Variants in ACADM observed in about 807,000 individuals in gnomAD.
ACADM encodes the protein acyl-CoA dehydrogenase medium chain.
In ACADM, 49 loss-of-function variants were observed where a neutral mutation model predicts 58.9. That is an observed-to-expected ratio of 0.83 (90% CI 0.66 to 1.06). The LOEUF (loss-of-function observed/expected upper bound fraction) is 1.06. Among genes scored for constraint, ACADM ranks in the 50% least tolerant of loss-of-function variants. The probability of loss-of-function intolerance (pLI) is 0.00; values close to 1 mark genes in which losing one functional copy is unlikely to be tolerated. For synonymous variants in ACADM, 160 were observed against 157.7 expected, an observed-to-expected ratio of 1.01 and a Z score of -0.11; for missense variants, 496 against 507.0, an observed-to-expected ratio of 0.98 and a Z score of 0.21.
chr1:75,732,986 CTCAG>C, intron 4 of ACADM, 64 bp downstream of exon 4: 2 of 1,613,216 alleles, frequency 1.2e-6, no homozygotes, highest in Admixed American at 1.7e-5. Context: ...TGGAACTCTA[CTCAG>C]TCATTTTTTT....
At chr1:75,739,679 G>C (rs1047708693) in intron 6 of ACADM, among the ~76,000 whole-genome samples, 1 of 152,012 alleles carries the variant, frequency 6.6e-6, no homozygotes, top group African/African-American at 2.4e-5. Context: ...ATGTGTGCTT[G>C]CAGTCTCAGC....
chr1:75,758,551 G>A (rs375314492), intron 10 of ACADM, among the ~76,000 whole-genome samples: 2 of 152,164 alleles, frequency 1.3e-5, no homozygotes, highest in East Asian at 3.9e-4. Context: ...GTGGGGACTT[G>A]GAGGACTTGT....
intron 1 of ACADM, among the ~76,000 whole-genome samples, chr1:75,726,242 T>C (rs1027384962): frequency 6.6e-6 from 1 of 151,982 alleles, no homozygotes; most frequent in Admixed American, 6.6e-5. Context: ...ACCCTGTCTT[T>C]ACTAAAAATA....
chr1:75,738,660 G>A (rs568746992), intron 6 of ACADM, among the ~76,000 whole-genome samples: 1 of 152,110 alleles, frequency 6.6e-6, no homozygotes, highest in Non-Finnish European at 1.5e-5. Flanking sequence ...GACCAGGCTG[G>A]TCTTGAACTC....
At chr1:75,745,547 G>A (rs909332336) in intron 7 of ACADM, 8 of 484,976 alleles carry the variant, frequency 1.6e-5, no homozygotes, top group East Asian at 7.8e-5. Context: ...ACTGTACTGC[G>A]GGTAACTGAA....
At chr1:75,760,711 C>T (rs1178852149) in intron 10 of ACADM, among the ~76,000 whole-genome samples, 2 of 151,860 alleles carry the variant, frequency 1.3e-5, no homozygotes, top group Non-Finnish European at 2.9e-5. Flanking sequence ...GAAGAAATAA[C>T]TAAATTCAAC....
intron 10 of ACADM, among the ~76,000 whole-genome samples, chr1:75,756,926 C>T (rs1648539692): frequency 1.3e-5 from 2 of 152,166 alleles, no homozygotes; most frequent in South Asian, 2.1e-4. Flanking sequence ...ACCATCTGAT[C>T]TTTGACAAAC....
At chr1:75,756,279 C>T (rs1648500723) in intron 10 of ACADM, among the ~76,000 whole-genome samples, 1 of 152,166 alleles carries the variant, frequency 6.6e-6, no homozygotes, top group Admixed American at 6.5e-5. Context: ...CAAATTGTCC[C>T]TGTTTGCACA....
intron 8 of ACADM, among the ~76,000 whole-genome samples, chr1:75,748,172 C>G (rs1648002812): frequency 6.6e-6 from 1 of 151,960 alleles, no homozygotes; most frequent in South Asian, 2.1e-4. Context: ...CACTAATAGT[C>G]ATATACAAAG....
At chr1:75,735,791 A>C (rs890570748) in intron 6 of ACADM, among the ~76,000 whole-genome samples, 9 of 151,686 alleles carry the variant, frequency 5.9e-5, no homozygotes, top group Non-Finnish European at 1.2e-4. Flanking sequence ...TTGCTGAGTA[A>C]AGATGGCGGC....
intron 2 of ACADM, among the ~76,000 whole-genome samples, chr1:75,729,885 AT>A (rs551916973): frequency 0.035 from 2,587 of 73,570 alleles, 3 homozygotes; most frequent in African/African-American, 0.069. Context: ...GGGATGGTGG[AT>A]TTTTTTTTTT....
chr1:75,749,599 T>C, intron 9 of ACADM, 40 bp downstream of exon 9: 2 of 1,546,840 alleles, frequency 1.3e-6, no homozygotes, highest in Non-Finnish European at 1.8e-6. Flanking sequence ...GGATCTTTTA[T>C]TTATTACATT....
chr1:75,737,798 T>G (rs1570872580), intron 6 of ACADM, among the ~76,000 whole-genome samples: 2 of 152,178 alleles, frequency 1.3e-5, no homozygotes, highest in South Asian at 4.1e-4. Context: ...CCTGTCATTT[T>G]TTTTTTTATA....
intron 10 of ACADM, 32 bp downstream of exon 10, chr1:75,750,578 G>A (rs1195851369): frequency 2.2e-6 from 3 of 1,345,392 alleles, no homozygotes; most frequent in Non-Finnish European, 3.2e-6. Context: ...TTGTTCAAAT[G>A]TAAAGACACT....
chr1:75,750,370 C>T (rs1006916087), intron 9 of ACADM, 81 bp from the exon 10 acceptor site: 1 of 1,163,936 alleles, frequency 8.6e-7, no homozygotes, highest in Non-Finnish European at 1.3e-6. Context: ...TTTGTACACT[C>T]CCTAACATAG....
intron 6 of ACADM, among the ~76,000 whole-genome samples, chr1:75,738,933 A>G (rs1166662999): frequency 6.6e-6 from 1 of 152,118 alleles, no homozygotes; most frequent in Non-Finnish European, 1.5e-5. Context: ...CCCTGTTTCT[A>G]CCAGATAAAA....
chr1:75,724,862 TGTG>T (rs1409250876), intron 1 of ACADM, 45 bp downstream of exon 1: 3 of 1,406,488 alleles, frequency 2.1e-6, no homozygotes, highest in Non-Finnish European at 2.8e-6. Flanking sequence ...ACATGGGTAT[TGTG>T]GTGTCGGAGC....
At chr1:75,738,196 G>A (rs1647375161) in intron 6 of ACADM, among the ~76,000 whole-genome samples, 1 of 150,590 alleles carries the variant, frequency 6.6e-6, no homozygotes, top group African/African-American at 2.4e-5. Context: ...AATTACAGGT[G>A]TGAGCCACCA....
chr1:75,750,880 TG>T, intron 10 of ACADM: 1 of 379,892 alleles, frequency 2.6e-6, no homozygotes, highest in Non-Finnish European at 5.0e-6. Flanking sequence ...TCCCAAGTAG[TG>T]GGAACTACAG....
Sources: allele counts gnomAD v4.1 joint callset (sites outside exome capture counted in the v4.1 genomes callset), GRCh38; gene constraint gnomAD v4.1.1; transcripts MANE v1.5; gene names NCBI Gene and HGNC (gene_info 2026-07-23, HGNC 2026-07-21).